Variants in RBFOX1 observed in about 807,000 individuals in gnomAD.
The protein encoded by RBFOX1 is RNA binding fox-1 homolog 1, also known as RNA binding protein fox-1 homolog 1.
A neutral mutation model predicts 57.7 loss-of-function variants in RBFOX1; 8 were observed. The ratio of observed to expected loss-of-function variants is 0.14; its 90% CI spans 0.08 to 0.25. The LOEUF is 0.25. RBFOX1 is among the 10% of genes least tolerant of loss of function. The probability of loss-of-function intolerance (pLI) is 1.00; values close to 1 mark genes in which losing one functional copy is unlikely to be tolerated. For missense variants in RBFOX1, 611 were observed against 548.5 expected (o/e 1.11, Z -1.14); for synonymous variants, 326 against 222.4 (o/e 1.47, Z -4.15).
chr16:5,922,043 C>G (rs546199262), intron 4 of RBFOX1, among the ~76,000 whole-genome samples: 2 of 152,070 alleles, frequency 1.3e-5, no homozygotes, highest in South Asian at 2.1e-4. Flanking sequence ...CTCTTGTGGT[C>G]TCAGCTACTT....
intron 1 of RBFOX1, chr16:6,037,188 T>C (rs2095376187): frequency 6.6e-6 from 1 of 152,214 alleles, no homozygotes; most frequent in African/African-American, 2.4e-5. Flanking sequence ...GTGCAGTTAA[T>C]GCTAAAGTGT....
intron 3 of RBFOX1, among the ~76,000 whole-genome samples, chr16:7,024,552 C>A (rs1284407016): frequency 6.6e-6 from 1 of 152,162 alleles, no homozygotes; most frequent in African/African-American, 2.4e-5. Context: ...GATACTTCCT[C>A]ATTGTGTAAA....
chr16:5,894,288 T>G (rs1291159639), intron 4 of RBFOX1, among the ~76,000 whole-genome samples: 2 of 151,870 alleles, frequency 1.3e-5, no homozygotes, highest in Admixed American at 6.6e-5. Context: ...TTATAAAAAC[T>G]TTTTTTTTGT....
At chr16:5,263,678 G>T (rs1195555677) in intron 1 of RBFOX1, among the ~76,000 whole-genome samples, 1 of 152,144 alleles carries the variant, frequency 6.6e-6, no homozygotes, top group Non-Finnish European at 1.5e-5. Flanking sequence ...GATGGGAAAG[G>T]CAGAGGAAGA....
At chr16:7,700,496 C>A (rs572927498) in intron 14 of RBFOX1, among the ~76,000 whole-genome samples, 2 of 152,174 alleles carry the variant, frequency 1.3e-5, no homozygotes, top group African/African-American at 4.8e-5. Context: ...TATTGAAAAT[C>A]TCATAAGGGA....
chr16:6,504,675 C>G (rs1055692890), intron 2 of RBFOX1, among the ~76,000 whole-genome samples: 1 of 152,154 alleles, frequency 6.6e-6, no homozygotes, highest in African/African-American at 2.4e-5. Flanking sequence ...TTTCCAAAAG[C>G]TCCTTGTACA....
intron 6 of RBFOX1, among the ~76,000 whole-genome samples, chr16:7,586,752 G>A (rs1304176313): frequency 6.6e-6 from 1 of 152,178 alleles, no homozygotes; most frequent in Non-Finnish European, 1.5e-5. Context: ...CTAGATAGTG[G>A]AGTTTGCTTC....
intron 2 of RBFOX1, among the ~76,000 whole-genome samples, chr16:6,347,149 T>C (rs1483844922): frequency 6.6e-6 from 1 of 152,196 alleles, no homozygotes; most frequent in Non-Finnish European, 1.5e-5. Context: ...AAGAAGTTCC[T>C]GGAATGGGCA....
chr16:7,422,462 G>A (rs1238667092), intron 4 of RBFOX1, among the ~76,000 whole-genome samples: 2 of 152,150 alleles, frequency 1.3e-5, no homozygotes, highest in Non-Finnish European at 2.9e-5. Flanking sequence ...ATAGGTTCGG[G>A]AAATAGGCAG....
At chr16:5,905,939 T>C (rs1057180353) in intron 4 of RBFOX1, among the ~76,000 whole-genome samples, 2 of 152,230 alleles carry the variant, frequency 1.3e-5, no homozygotes, top group African/African-American at 4.8e-5. Flanking sequence ...TTCAGCTCTC[T>C]TGTAGTGGGA....
intron 2 of RBFOX1, among the ~76,000 whole-genome samples, chr16:6,542,242 A>G (rs1041688697): frequency 2.2e-4 from 34 of 151,912 alleles, no homozygotes; most frequent in African/African-American, 8.0e-4. Flanking sequence ...TATTTTAAAA[A>G]TAATCTTGAG....
intron 2 of RBFOX1, among the ~76,000 whole-genome samples, chr16:6,609,488 T>C (rs1275307481): frequency 6.6e-6 from 1 of 152,026 alleles, no homozygotes; most frequent in Non-Finnish European, 1.5e-5. Context: ...GGACAACAGG[T>C]GCATGCCACC....
At chr16:6,167,385 C>T (rs1016106366) in intron 1 of RBFOX1, among the ~76,000 whole-genome samples, 3 of 152,336 alleles carry the variant, frequency 2.0e-5, no homozygotes, top group Admixed American at 6.5e-5. Flanking sequence ...GCTGAGAGCA[C>T]TTACCTGGTG....
At chr16:5,758,541 G>C (rs2053478733) in intron 3 of RBFOX1, among the ~76,000 whole-genome samples, 1 of 152,134 alleles carries the variant, frequency 6.6e-6, no homozygotes, top group Admixed American at 6.5e-5. Flanking sequence ...CTGTGAAGTT[G>C]CTTTGTTTTC....
chr16:6,224,294 G>C (rs1245088218), intron 1 of RBFOX1, among the ~76,000 whole-genome samples: 3 of 151,928 alleles, frequency 2.0e-5, no homozygotes, highest in African/African-American at 4.8e-5. Flanking sequence ...AATTACCTTG[G>C]GCAGTATGGC....
intron 3 of RBFOX1, among the ~76,000 whole-genome samples, chr16:6,808,838 C>T (rs541329682): frequency 1.3e-5 from 2 of 152,250 alleles, no homozygotes; most frequent in Admixed American, 6.5e-5. Flanking sequence ...AAAATCACTA[C>T]CTCTTACCAA....
intron 3 of RBFOX1, among the ~76,000 whole-genome samples, chr16:5,680,951 A>G (rs535420039): frequency 4.6e-5 from 7 of 152,026 alleles, no homozygotes; most frequent in Non-Finnish European, 8.8e-5. Context: ...CTATAAAATT[A>G]GCAACTATAA....
rs1379567387 is a variant in RBFOX1, at chr16:7,713,205, C to T, written c.*2460C>T. 2 of 152,186 alleles carry T rather than the reference C, an allele frequency of 1.3e-5. No homozygotes were observed. Among genetic ancestry groups the T allele is most frequent in the East Asian group, 3.8e-4 (2 of 5,202 alleles). The allele number at this position is 152,186 out of a possible 1,614,324, so 9.4% of individuals were successfully genotyped here. On this transcript the variant is annotated 3_prime_UTR_variant, in exon 16 of 16. Coordinates refer to ENST00000550418, the MANE Select transcript of RBFOX1 (RefSeq NM_018723.4). ...GCATATAGTGACTTCTTAACACACA[C>T]ATCACGCAATCTGCAAACCCAGAAA... is the stretch of plus-strand genomic sequence containing the variant.
At chr16:5,549,464 C>T (rs769651341) in intron 2 of RBFOX1, among the ~76,000 whole-genome samples, 4 of 152,138 alleles carry the variant, frequency 2.6e-5, no homozygotes, top group East Asian at 1.9e-4. Context: ...TACTTAGGAA[C>T]GCTTTGGAAG....
Sources: allele counts gnomAD v4.1 joint callset (sites outside exome capture counted in the v4.1 genomes callset), GRCh38; gene constraint gnomAD v4.1.1; transcripts MANE v1.5; gene names NCBI Gene and HGNC (gene_info 2026-07-23, HGNC 2026-07-21).